UNC5B: variants seen among roughly 807,000 people sequenced by gnomAD.
UNC5B encodes the protein unc-5 netrin receptor B.
A neutral mutation model predicts 103.7 loss-of-function variants in UNC5B; 56 were observed. That is an observed-to-expected ratio of 0.54 (90% CI 0.44 to 0.67). The LOEUF (loss-of-function observed/expected upper bound fraction) is 0.67. Ranked by LOEUF, UNC5B falls within the 30% of genes least tolerant of loss-of-function variation. The pLI is 0.00. For synonymous variants in UNC5B, 577 were observed against 542.0 expected, an observed-to-expected ratio of 1.06 and a Z score of -0.90; for missense variants, 1,194 against 1,284.5, an observed-to-expected ratio of 0.93 and a Z score of 1.08.
chr10:71,295,560 CATCT>C (rs1310780377), intron 13 of UNC5B, among the ~76,000 whole-genome samples: 1 of 152,188 alleles, frequency 6.6e-6, no homozygotes, highest in Non-Finnish European at 1.5e-5. Flanking sequence ...TTTATCCATC[CATCT>C]GTCCATTTAT....
At chr10:71,216,584 C>G (rs1843333800) in intron 1 of UNC5B, among the ~76,000 whole-genome samples, 1 of 152,130 alleles carries the variant, frequency 6.6e-6, no homozygotes, top group Admixed American at 6.5e-5. Flanking sequence ...AGCTCTGCAC[C>G]CATTTGTAGA....
chr10:71,240,695 C>T, intron 1 of UNC5B, among the ~76,000 whole-genome samples: 1 of 152,344 alleles, frequency 6.6e-6, no homozygotes, highest in East Asian at 1.9e-4. Flanking sequence ...CTCCACTACT[C>T]GGTCTCATTT....
chr10:71,223,737 G>A (rs1843495785), intron 1 of UNC5B, among the ~76,000 whole-genome samples: 1 of 152,162 alleles, frequency 6.6e-6, no homozygotes, highest in African/African-American at 2.4e-5. Context: ...CCTACTTGTA[G>A]CCACAAGCCC....
At position 71,279,710 on chromosome 10, in the gene UNC5B, A is replaced by G; in HGVS notation, c.80-111A>G. ...TCCCCAGGAGGGCTCTGGCTGCCCC[A>G]CCTCTGCCTCCCCTGTCCTCTTCGT... On this transcript the variant is annotated intron_variant, in intron 1 of 16. Transcript: ENST00000335350. 4.1e-6 allele frequency: 5 copies of G among 1,210,326 alleles called. 1 individual carries two copies. In the South Asian group the frequency reaches 7.6e-5, roughly 18 times the overall value. The allele number at this position is 1,210,326 out of a possible 1,614,324, so 75.0% of individuals were successfully genotyped here. A position where few individuals can be genotyped will look rare whatever the true frequency, so the allele number is the denominator to read the frequency against.
intron 13 of UNC5B, 27 bp downstream of exon 13, chr10:71,293,960 A>T: frequency 6.4e-7 from 1 of 1,550,426 alleles, no homozygotes; most frequent in East Asian, 2.3e-5. Flanking sequence ...GTGCCCACAC[A>T]GCCCTGGCCG....
At chr10:71,215,360 C>G (rs960827211) in intron 1 of UNC5B, among the ~76,000 whole-genome samples, 8 of 152,150 alleles carry the variant, frequency 5.3e-5, no homozygotes, top group African/African-American at 1.9e-4. Context: ...TGCCATGAGA[C>G]TCATAACAGA....
chr10:71,243,845 A>G (rs1843963054), intron 1 of UNC5B, among the ~76,000 whole-genome samples: 1 of 152,264 alleles, frequency 6.6e-6, no homozygotes, highest in South Asian at 2.1e-4. Context: ...AGTTCTAACC[A>G]AATACCAGGC....
At chr10:71,241,120 C>T (rs77780903) in intron 1 of UNC5B, among the ~76,000 whole-genome samples, 3,997 of 152,238 alleles carry the variant, frequency 0.026, 164 homozygotes, top group African/African-American at 0.087. Context: ...AGAACTAGGC[C>T]CCCATTTTAC....
intron 1 of UNC5B, among the ~76,000 whole-genome samples, chr10:71,251,718 C>T (rs944988301): frequency 6.6e-6 from 1 of 152,188 alleles, no homozygotes; most frequent in Non-Finnish European, 1.5e-5. Context: ...TATCTGAAAC[C>T]CTTGCCACAT....
At chr10:71,227,454 A>G (rs1279260196) in intron 1 of UNC5B, among the ~76,000 whole-genome samples, 1 of 152,002 alleles carries the variant, frequency 6.6e-6, no homozygotes, top group Non-Finnish European at 1.5e-5. Context: ...AAGACTACAC[A>G]TTGGGTACAG....
At chr10:71,283,493 C>G (rs1413432603) in intron 2 of UNC5B, among the ~76,000 whole-genome samples, 1 of 152,212 alleles carries the variant, frequency 6.6e-6, no homozygotes, top group Admixed American at 6.5e-5. Context: ...CCATCCAACC[C>G]TGTCCTTACC....
intron 1 of UNC5B, among the ~76,000 whole-genome samples, chr10:71,232,529 C>T (rs1843704117): frequency 6.6e-6 from 1 of 152,256 alleles, no homozygotes; most frequent in South Asian, 2.1e-4. Flanking sequence ...GGGGGAGGGG[C>T]TCCCACTTTG....
chr10:71,288,445 C>G, intron 6 of UNC5B, 123 bp from the exon 7 acceptor site: 1,179 of 1,284,960 alleles, frequency 9.2e-4, no homozygotes, highest in Non-Finnish European at 1.1e-3. Context: ...GTTCTGGGTT[C>G]CTCATTTCCT....
At chr10:71,250,119 G>A (rs759052117) in intron 1 of UNC5B, among the ~76,000 whole-genome samples, 7 of 152,210 alleles carry the variant, frequency 4.6e-5, no homozygotes, top group Non-Finnish European at 8.8e-5. Context: ...GGCAAACCCC[G>A]CTGGGCCTGA....
At chr10:71,253,496 C>T (rs552974940) in intron 1 of UNC5B, among the ~76,000 whole-genome samples, 2 of 152,294 alleles carry the variant, frequency 1.3e-5, no homozygotes, top group Admixed American at 6.5e-5. Context: ...CAGGGAAGGC[C>T]AGGCGCATCT....
At chr10:71,222,356 C>A (rs901976670) in intron 1 of UNC5B, among the ~76,000 whole-genome samples, 2 of 152,130 alleles carry the variant, frequency 1.3e-5, no homozygotes, top group African/African-American at 4.8e-5. Context: ...TTGAATCTTC[C>A]AGAGGTGGCT....
intron 14 of UNC5B, among the ~76,000 whole-genome samples, chr10:71,296,199 G>A (rs891115219): frequency 6.6e-6 from 1 of 152,132 alleles, no homozygotes; most frequent in African/African-American, 2.4e-5. Flanking sequence ...ACCCTCACAC[G>A]CACAGACGAC....
chr10:71,297,833 C>T (rs948661413), intron 15 of UNC5B, 76 bp from the exon 16 acceptor site: 9 of 1,466,806 alleles, frequency 6.1e-6, no homozygotes, highest in East Asian at 4.7e-5. Context: ...AATGAGCTCA[C>T]AGTCCAAGGG....
At chr10:71,263,855 A>G (rs889335741) in intron 1 of UNC5B, among the ~76,000 whole-genome samples, 2 of 152,080 alleles carry the variant, frequency 1.3e-5, no homozygotes, top group Non-Finnish European at 2.9e-5. Flanking sequence ...CCAGGGGACA[A>G]ACAGACAGAC....
Sources: gnomAD v4.1 joint callset for allele counts (sites outside exome capture counted in the v4.1 genomes callset) on GRCh38, gnomAD v4.1.1 for gene constraint, MANE v1.5 for transcripts, NCBI Gene and HGNC (gene_info 2026-07-23, HGNC 2026-07-21) for gene names.